The following TMOD3 variants were observed in gnomAD, a reference collection of about 807,000 sequenced individuals.
TMOD3 encodes the protein tropomodulin-3.
Under a neutral mutation model 39.2 loss-of-function variants are expected in TMOD3, and 20 were observed. That is an observed-to-expected ratio of 0.51 (90% confidence interval 0.36 to 0.74). The LOEUF (loss-of-function observed/expected upper bound fraction) is 0.74, where lower values mean the gene tolerates loss of function less well. Ranked by LOEUF, TMOD3 falls within the 30% of genes least tolerant of loss-of-function variation. The pLI is 0.00. For missense variants in TMOD3, 381 were observed against 412.8 expected (o/e 0.92, Z 0.67); for synonymous variants, 143 against 145.8 (o/e 0.98, Z 0.14).
At chr15:51,848,000 A>T (rs1314629479) in intron 1 of TMOD3, among the ~76,000 whole-genome samples, 1 of 152,122 alleles carries the variant, frequency 6.6e-6, no homozygotes, top group Non-Finnish European at 1.5e-5. Context: ...TCATGCCATT[A>T]TAAAAGAGGC....
rs1246427167 is a variant in TMOD3 at position 51,910,753 on chromosome 15, T to C, written c.*1943T>C. The C allele has an allele frequency of 6.6e-6, 1 of 151,884 alleles. No homozygotes were observed. Among genetic ancestry groups the C allele is most frequent in the Admixed American group, 6.6e-5 (1 of 15,216 alleles). 9.4% of individuals were successfully genotyped at this position (151,884 alleles called of 1,614,324 possible). On this transcript the variant is annotated 3_prime_UTR_variant, in exon 10 of 10. Coordinates refer to ENST00000308580, the MANE Select transcript of TMOD3 (RefSeq NM_014547.5). ...CTGTGGTGTTTCTCTTTTTTTTTTT[T>C]TGTTTTGGTTTGTTTTGGTTTTTTG...
chr15:51,862,176 A>G (rs2056422741), intron 1 of TMOD3, among the ~76,000 whole-genome samples: 1 of 152,168 alleles, frequency 6.6e-6, no homozygotes, highest in Non-Finnish European at 1.5e-5. Flanking sequence ...CCCTTCCCAC[A>G]GTCAGACCCT....
At chr15:51,886,472 C>T (rs1054954811) in intron 3 of TMOD3, among the ~76,000 whole-genome samples, 1 of 152,264 alleles carries the variant, frequency 6.6e-6, no homozygotes, top group Non-Finnish European at 1.5e-5. Context: ...GGAGACCAGC[C>T]TGGCCAACAC....
At chr15:51,845,089 T>C (rs1009611121) in intron 1 of TMOD3, among the ~76,000 whole-genome samples, 1 of 152,128 alleles carries the variant, frequency 6.6e-6, no homozygotes, top group Non-Finnish European at 1.5e-5. Flanking sequence ...CAAGTCAGTA[T>C]TTTTTTCCCC....
intron 1 of TMOD3, among the ~76,000 whole-genome samples, chr15:51,861,568 C>T (rs2056418982): frequency 6.6e-6 from 1 of 151,552 alleles, no homozygotes; most frequent in Admixed American, 6.6e-5. Flanking sequence ...GGAAATGTAT[C>T]AAACTGAAGT....
At chr15:51,890,254 C>T (rs535058871) in intron 5 of TMOD3, among the ~76,000 whole-genome samples, 8 of 151,456 alleles carry the variant, frequency 5.3e-5, no homozygotes, top group East Asian at 3.9e-4. Flanking sequence ...CTGCAACCTC[C>T]GCCTCTCAGG....
intron 7 of TMOD3, among the ~76,000 whole-genome samples, chr15:51,897,781 CAAAA>C (rs35282838): frequency 9.0e-6 from 1 of 111,060 alleles, no homozygotes; most frequent in Non-Finnish European, 1.9e-5. Flanking sequence ...CCACGCCCAG[CAAAA>C]AAAAAAAAAA....
chr15:51,882,654 G>T (rs1235879451), intron 3 of TMOD3, among the ~76,000 whole-genome samples: 2 of 152,086 alleles, frequency 1.3e-5, no homozygotes, highest in Non-Finnish European at 2.9e-5. Flanking sequence ...CTGGATTTTT[G>T]GTTATATTCT....
intron 5 of TMOD3, among the ~76,000 whole-genome samples, chr15:51,891,514 A>G (rs959651595): frequency 6.6e-6 from 1 of 152,118 alleles, no homozygotes; most frequent in African/African-American, 2.4e-5. Flanking sequence ...AATGAGATTG[A>G]TCACAGGGTT....
intron 3 of TMOD3, among the ~76,000 whole-genome samples, chr15:51,880,918 G>A (rs2056529875): frequency 6.6e-6 from 1 of 152,122 alleles, no homozygotes; most frequent in South Asian, 2.1e-4. Flanking sequence ...AGTGGCTGCG[G>A]TATTGTACCT....
intron 9 of TMOD3, among the ~76,000 whole-genome samples, chr15:51,903,481 A>G (rs1224999768): frequency 6.6e-6 from 1 of 152,244 alleles, no homozygotes; most frequent in Non-Finnish European, 1.5e-5. Flanking sequence ...TGGAGCAGGA[A>G]AAAATAGCAC....
chr15:51,877,629 G>A (rs926086701), intron 3 of TMOD3, among the ~76,000 whole-genome samples: 3 of 151,182 alleles, frequency 2.0e-5, no homozygotes, highest in Admixed American at 1.3e-4. Context: ...GCAGTGAGCC[G>A]AGATTGCACC....
chr15:51,897,700 G>C (rs2056628079), intron 7 of TMOD3, among the ~76,000 whole-genome samples: 1 of 146,588 alleles, frequency 6.8e-6, no homozygotes, highest in Non-Finnish European at 1.5e-5. Context: ...GGCCAGGCTG[G>C]TCTCGAGCTC....
chr15:51,862,842 G>A lies in TMOD3; in HGVS notation c.-43G>A. 1.3e-6 allele frequency: 2 copies of A among 1,595,452 alleles called. No individual in the cohort carries two copies. Among genetic ancestry groups the A allele is most frequent in the Non-Finnish European group, 1.7e-6 (2 of 1,172,642 alleles). On this transcript the variant is annotated 5_prime_UTR_variant, in exon 2 of 10. Coordinates refer to ENST00000308580, the MANE Select transcript of TMOD3 (RefSeq NM_014547.5). ...GAAAAAGTAGAGATCACTTCTGACT[G>A]TACTGAACAGCAAAAATTAAGTGAC...
At chr15:51,867,104 C>T (rs1363811200) in intron 2 of TMOD3, among the ~76,000 whole-genome samples, 1 of 152,016 alleles carries the variant, frequency 6.6e-6, no homozygotes, top group Non-Finnish European at 1.5e-5. Context: ...TCCAGTGTGA[C>T]TGGAATGGAG....
In TMOD3 at chr15:51,909,371, G is replaced by C. The variant is rs1056033490; in HGVS notation, c.*561G>C. The C allele has an allele frequency of 2.0e-5, 3 of 152,642 alleles. No homozygotes were observed. Among genetic ancestry groups the C allele is most frequent in the African/African-American group, 7.2e-5 (3 of 41,444 alleles). The allele number at this position is 152,642 out of a possible 1,614,324, so 9.5% of individuals were successfully genotyped here. The stretch of plus-strand genomic sequence containing the variant: ...GCTAAAGCAGGTCTCCAGGGAGAGA[G>C]GGTGGTCGTCTGTGCATTCCAGGTT... On this transcript the variant is annotated 3_prime_UTR_variant, in exon 10 of 10. Transcript: ENST00000308580.
intron 1 of TMOD3, chr15:51,860,455 G>A: frequency 1.8e-6 from 1 of 565,900 alleles, no homozygotes; most frequent in South Asian, 1.4e-5. Flanking sequence ...TCTTGATAAA[G>A]TTTTGGGCCC....
rs1248761882 is a variant in TMOD3, at chr15:51,869,411, C to G, written c.283+38C>G. On this transcript the variant is annotated intron_variant, in intron 3 of 9. Transcript: ENST00000308580. ...ATTTTAAAGTCATTATGTGGTAACA[C>G]TTGATTTTTCTTTTTATAGGTGGGT... The G allele has an allele frequency of 3.1e-6, 5 of 1,588,498 alleles. No individual in the cohort carries two copies. In the East Asian group the frequency reaches 9.0e-5, roughly 29 times the overall value.
At position 51,833,903 on chromosome 15, in the gene TMOD3, A is replaced by G. The variant is rs941588476; in HGVS notation, c.-75+4067A>G. 4.6e-5 allele frequency among the ~76,000 whole-genome samples: 7 copies of G among 152,206 alleles called. No homozygotes were observed. The East Asian group carries it at 1.2e-3, about 25-fold the overall frequency. On this transcript the variant is annotated intron_variant, in intron 1 of 9. Coordinates refer to ENST00000308580, the MANE Select transcript of TMOD3 (RefSeq NM_014547.5). ...CAAACAGTTCTCCAAAGTGGTTTAT[A>G]CTGAGTTCTACTTGCTCCGTATTTT...
Sources: gnomAD v4.1 joint callset for allele counts (sites outside exome capture counted in the v4.1 genomes callset) on GRCh38, gnomAD v4.1.1 for gene constraint, MANE v1.5 for transcripts, NCBI Gene and HGNC (gene_info 2026-07-23, HGNC 2026-07-21) for gene names.